The following RUVBL2 variants were observed in gnomAD, a reference collection of about 807,000 sequenced individuals.
RUVBL2 encodes RuvB like AAA ATPase 2, also known as ruvB-like 2.
RUVBL2 carries 9 observed loss-of-function variants against 57.9 expected under a neutral mutation model. The ratio of observed to expected loss-of-function variants is 0.16; its 90% confidence interval spans 0.09 to 0.27. RUVBL2 has a LOEUF of 0.27. Among genes scored for constraint, RUVBL2 ranks in the 10% least tolerant of loss-of-function variants. RUVBL2 has a pLI of 1.00. For missense variants in RUVBL2, 456 were observed against 669.6 expected (o/e 0.68, Z 3.52); for synonymous variants, 278 against 264.6 (o/e 1.05, Z -0.49).
intron 14 of RUVBL2, 60 bp from the exon 15 acceptor site, chr19:49,015,757 G>C: frequency 6.2e-7 from 1 of 1,612,874 alleles, no homozygotes; most frequent in South Asian, 1.1e-5. Flanking sequence ...GCTCGGCGTA[G>C]AAGGCTCAGG....
At chr19:49,004,476 G>GT in intron 4 of RUVBL2, 58 bp downstream of exon 4, 1 of 1,532,434 alleles carries the variant, frequency 6.5e-7, no homozygotes, top group Non-Finnish European at 8.9e-7. Context: ...CTCCTCCTGT[G>GT]TAAGTCAGGG....
chr19:49,015,787 C>A (rs373687298), intron 14 of RUVBL2, 30 bp from the exon 15 acceptor site: 95 of 1,613,796 alleles, frequency 5.9e-5, no homozygotes, highest in Non-Finnish European at 7.5e-5. Context: ...CTGGGCGACA[C>A]TGACCATGTG....
intron 5 of RUVBL2, 69 bp from the exon 6 acceptor site, chr19:49,007,233 C>A: frequency 6.2e-7 from 1 of 1,607,558 alleles, no homozygotes; most frequent in African/African-American, 1.3e-5. Context: ...TGTCCCAGAG[C>A]TCATGGAAGG....
In RUVBL2 at chr19:49,007,065, G is replaced by A. The variant is rs779236032; in HGVS notation, c.313G>A (p.Gly105Ser). The change falls in exon 5 of 15, where the codon GGC becomes AGC. Residue 105 changes from glycine (G) to serine (S), a missense_variant. Physicochemically the swap from Gly to Ser is moderately conservative, Grantham distance 56. Transcript: ENST00000595090. ...TGACACGCCATTCACAGCCATCGCCGGCAGTGAAATCTTCTCCCTGGAGAT... is the reference window on the plus strand; with the variant it reads ...TGACACGCCATTCACAGCCATCGCCAGCAGTGAAATCTTCTCCCTGGAGAT... ...GPDTPFTAIA[G>S]SEIFSLEMSK... 6.1e-5 allele frequency: 98 copies of A among 1,613,038 alleles called. No homozygotes were observed. In the South Asian group the frequency reaches 7.6e-4, roughly 12 times the overall value.
chr19:49,000,525 G>A (rs577467173), intron 2 of RUVBL2, among the ~76,000 whole-genome samples: 231 of 152,240 alleles, frequency 1.5e-3, no homozygotes, highest in Non-Finnish European at 2.6e-3. Context: ...TTGCACTCCA[G>A]CCTGGGTGAC....
chr19:49,010,738 C>G (rs1427338023), intron 9 of RUVBL2, 127 bp downstream of exon 9: 1 of 1,370,196 alleles, frequency 7.3e-7, no homozygotes, highest in Non-Finnish European at 9.9e-7. Flanking sequence ...AACTCCGGCC[C>G]GTGGCTGCCT....
chr19:48,999,421 G>C lies in RUVBL2; in HGVS notation c.67+48G>C. 7 of 1,601,858 alleles carry C rather than the reference G, an allele frequency of 4.4e-6. No individual in the cohort carries two copies. The East Asian group carries it at 1.6e-4, about 36-fold the overall frequency. On this transcript the variant is annotated intron_variant, in intron 2 of 14. Coordinates refer to ENST00000595090, the MANE Select transcript of RUVBL2 (RefSeq NM_006666.3). ...AGGACCTAAGCCCTGCCTGCCATGTGCCCTGACAGAGCAAACCTATTGAGG... is the reference window on the plus strand; with the variant it reads ...AGGACCTAAGCCCTGCCTGCCATGTCCCCTGACAGAGCAAACCTATTGAGG...
rs1207357129 is a variant in RUVBL2 at position 49,009,799 on chromosome 19, C to A, written c.486C>A (p.Thr162=). 1 of 1,614,038 alleles carries A rather than the reference C, an allele frequency of 6.2e-7. No homozygotes were observed. The highest frequency in any genetic ancestry group is 1.7e-5 in the Admixed American group (1 of 59,996). Residue 162 remains threonine (T), a synonymous_variant, in exon 7 of 15, where the codon ACC becomes ACA. Coordinates refer to ENST00000595090, the MANE Select transcript of RUVBL2 (RefSeq NM_006666.3). ...AGGGCTCCAAGGTGGGCAAACTGAC[C>A]CTCAAGACCACAGAGATGGAGACCA... is the stretch of plus-strand genomic sequence containing the variant. The part of the protein sequence containing the change: ...TGTGSKVGKL[T]LKTTEMETIY...
rs951983045 is a variant in RUVBL2, at chr19:49,007,438, G to A, written c.462+70G>A. ...CCAGGGTTGGAGAGAGTAGATATCA[G>A]GTCTGCACTGAGGTCAGAATCCCAT... On this transcript the variant is annotated intron_variant, in intron 6 of 14. Coordinates refer to ENST00000595090, the MANE Select transcript of RUVBL2 (RefSeq NM_006666.3). 2.2e-5 allele frequency: 30 copies of A among 1,388,566 alleles called. No homozygotes were observed. The East Asian group carries it at 6.5e-4, about 30-fold the overall frequency. 86.0% of individuals were successfully genotyped at this position (1,388,566 alleles called of 1,614,324 possible). A position where few individuals can be genotyped will look rare whatever the true frequency, so the allele number is the denominator to read the frequency against.
chr19:48,995,919 G>A (rs934540297), intron 1 of RUVBL2, among the ~76,000 whole-genome samples: 1 of 150,710 alleles, frequency 6.6e-6, no homozygotes, highest in Admixed American at 6.6e-5. Flanking sequence ...CCCGGGAGGC[G>A]AAGGTTGCAG....
chr19:49,003,894 T>A (rs574829921), intron 3 of RUVBL2, among the ~76,000 whole-genome samples: 1 of 151,826 alleles, frequency 6.6e-6, no homozygotes, highest in South Asian at 2.1e-4. Context: ...ATGGGAAGAT[T>A]GCTTGAGCCT....
At chr19:48,998,056 G>A (rs550562405) in intron 1 of RUVBL2, among the ~76,000 whole-genome samples, 1 of 152,358 alleles carries the variant, frequency 6.6e-6, no homozygotes, top group Admixed American at 6.5e-5. Flanking sequence ...CTGGAGCAGA[G>A]AATATTGATC....
intron 2 of RUVBL2, among the ~76,000 whole-genome samples, chr19:49,002,914 T>C (rs2039212333): frequency 6.6e-6 from 1 of 152,166 alleles, no homozygotes. Flanking sequence ...TGCAGGATCA[T>C]ATGGAATAAA....
intron 8 of RUVBL2, 21 bp from the exon 9 acceptor site, chr19:49,010,467 T>G: frequency 4.3e-6 from 6 of 1,401,186 alleles, no homozygotes; most frequent in Admixed American, 2.0e-5. Flanking sequence ...CCGCCGTTCT[T>G]CCCCCACCCC....
intron 2 of RUVBL2, among the ~76,000 whole-genome samples, chr19:49,002,194 G>T (rs2039197703): frequency 6.6e-6 from 1 of 152,030 alleles, no homozygotes; most frequent in East Asian, 1.9e-4. Flanking sequence ...GACTACAGGT[G>T]CATGCCACCA....
intron 2 of RUVBL2, among the ~76,000 whole-genome samples, chr19:49,002,797 C>T (rs2039209483): frequency 1.3e-5 from 2 of 152,074 alleles, no homozygotes; most frequent in South Asian, 2.1e-4. Flanking sequence ...GTTGGCCAGG[C>T]TGGTCTCGAA....
chr19:48,995,121 A>G (rs1292878890), intron 1 of RUVBL2, among the ~76,000 whole-genome samples: 3 of 151,970 alleles, frequency 2.0e-5, no homozygotes, highest in African/African-American at 7.3e-5. Flanking sequence ...GAGGAAGGCT[A>G]TGACCAGAAC....
chr19:48,996,185 G>T (rs1345540419), intron 1 of RUVBL2, among the ~76,000 whole-genome samples: 1 of 151,736 alleles, frequency 6.6e-6, no homozygotes, highest in Non-Finnish European at 1.5e-5. Context: ...GAAGGAAGGA[G>T]ACCTGGGGAT....
At chr19:49,003,908 A>C (rs1320022964) in intron 3 of RUVBL2, among the ~76,000 whole-genome samples, 1 of 151,956 alleles carries the variant, frequency 6.6e-6, no homozygotes, top group African/African-American at 2.4e-5. Flanking sequence ...TGAGCCTAAG[A>C]GCTTGAGGCC....
Sources: allele counts gnomAD v4.1 joint callset (sites outside exome capture counted in the v4.1 genomes callset), GRCh38; gene constraint gnomAD v4.1.1; transcripts MANE v1.5; gene names NCBI Gene and HGNC (gene_info 2026-07-23, HGNC 2026-07-21).